GPHN: variants seen among roughly 807,000 people sequenced by gnomAD.
GPHN encodes gephyrin.
Under a neutral mutation model 95.5 loss-of-function variants are expected in GPHN, and 17 were observed. The observed-to-expected ratio is 0.18, with a 90% CI of 0.12 to 0.27. The LOEUF (loss-of-function observed/expected upper bound fraction) is 0.27. Among genes scored for constraint, GPHN ranks in the 10% least tolerant of loss-of-function variants. The probability of loss-of-function intolerance (pLI) is 1.00; values close to 1 mark genes in which losing one functional copy is unlikely to be tolerated. For synonymous variants in GPHN, 320 were observed against 322.5 expected (o/e 0.99, Z 0.08); for missense variants, 660 against 978.1 (o/e 0.67, Z 4.34).
chr14:67,085,765 A>C (rs1319469303), intron 11 of GPHN, among the ~76,000 whole-genome samples: 2 of 152,224 alleles, frequency 1.3e-5, no homozygotes, highest in African/African-American at 4.8e-5. Flanking sequence ...AATAGCATTA[A>C]GTACATTCAC....
At chr14:67,201,045 C>T in the GPHN span, among the ~76,000 whole-genome samples, 1 of 152,138 alleles carries the variant, frequency 6.6e-6, no homozygotes, top group African/African-American at 2.4e-5. Flanking sequence ...GCTATAATCC[C>T]AGTACTTTGA....
intron 9 of GPHN, among the ~76,000 whole-genome samples, chr14:67,000,706 A>G (rs879884537): frequency 1.3e-5 from 2 of 151,660 alleles, no homozygotes; most frequent in Non-Finnish European, 3.0e-5. Context: ...GTAGAAATGA[A>G]CTGGAGTATA....
chr14:67,443,869 G>A, the GPHN span, among the ~76,000 whole-genome samples: 1 of 152,116 alleles, frequency 6.6e-6, no homozygotes, highest in African/African-American at 2.4e-5. Flanking sequence ...AAATGTGAAA[G>A]GAAAATAAAT....
intron 3 of GPHN, among the ~76,000 whole-genome samples, chr14:66,806,652 C>T (rs2060555546): frequency 6.6e-6 from 1 of 152,182 alleles, no homozygotes; most frequent in African/African-American, 2.4e-5. Flanking sequence ...ATTGAACTCT[C>T]TAGGGCAGAG....
intron 1 of GPHN, among the ~76,000 whole-genome samples, chr14:66,660,769 C>G (rs2065596327): frequency 6.6e-6 from 1 of 152,126 alleles, no homozygotes; most frequent in South Asian, 2.1e-4. Flanking sequence ...GGAAACAACT[C>G]AACCCACAGA....
chr14:66,591,223 G>A (rs1050819792), intron 1 of GPHN, among the ~76,000 whole-genome samples: 15 of 152,304 alleles, frequency 9.8e-5, no homozygotes, highest in African/African-American at 3.6e-4. Flanking sequence ...AAAGCTGGAA[G>A]CATTCCCTTT....
the GPHN span, among the ~76,000 whole-genome samples, chr14:67,493,050 G>A: frequency 3.3e-5 from 5 of 152,306 alleles, no homozygotes; most frequent in East Asian, 9.6e-4. Flanking sequence ...AGAAAGATGA[G>A]AAGAAGCCGT....
chr14:67,182,631 T>G (rs1489614423), downstream of GPHN, among the ~76,000 whole-genome samples: 2 of 152,148 alleles, frequency 1.3e-5, no homozygotes, highest in Non-Finnish European at 2.9e-5. Flanking sequence ...AAGTATATCA[T>G]GCTACTATTT....
At chr14:66,675,568 C>A (rs1438066717) in intron 1 of GPHN, among the ~76,000 whole-genome samples, 2 of 152,072 alleles carry the variant, frequency 1.3e-5, no homozygotes, top group Non-Finnish European at 2.9e-5. Context: ...GACTATATTT[C>A]TTTACTCTGT....
the GPHN span, among the ~76,000 whole-genome samples, chr14:67,668,150 A>C: frequency 0.028 from 4,273 of 152,264 alleles, 218 homozygotes; most frequent in African/African-American, 0.098. Flanking sequence ...TTTATGATAC[A>C]CGTTAAGACA....
the GPHN span, among the ~76,000 whole-genome samples, chr14:67,644,700 T>A: frequency 6.6e-6 from 1 of 152,250 alleles, no homozygotes; most frequent in South Asian, 2.1e-4. Context: ...AAATACACTT[T>A]AAGATCTTAT....
intron 1 of GPHN, 123 bp downstream of exon 1, chr14:66,508,714 G>A (rs1049793628): frequency 3.4e-6 from 3 of 884,012 alleles, no homozygotes; most frequent in Non-Finnish European, 5.7e-6. Flanking sequence ...AGGGAACCGC[G>A]GGGGTGCATT....
At chr14:66,999,948 A>G (rs2153609884) in intron 9 of GPHN, among the ~76,000 whole-genome samples, 1 of 151,942 alleles carries the variant, frequency 6.6e-6, no homozygotes, top group Non-Finnish European at 1.5e-5. Context: ...TCCAAATTGA[A>G]CCCTTTACAG....
intron 4 of GPHN, among the ~76,000 whole-genome samples, chr14:66,846,608 G>T (rs1431337634): frequency 6.6e-6 from 1 of 152,010 alleles, no homozygotes; most frequent in Non-Finnish European, 1.5e-5. Flanking sequence ...GAATGATAAA[G>T]TCTGTATTAC....
intron 2 of GPHN, among the ~76,000 whole-genome samples, chr14:66,775,844 AT>A (rs2153460819): frequency 6.6e-6 from 1 of 152,328 alleles, no homozygotes; most frequent in Admixed American, 6.5e-5. Flanking sequence ...TAAGGATTAA[AT>A]TATCTGTAAC....
Position 66,916,381 on chromosome 14 carries a change from A to G in GPHN, c.456+312A>G, listed in dbSNP as rs192076210. ...AGAGCTTCCCTTGTCCTCTCCTTGT[A>G]GAGTCATCAATGCTTTACTCTCCTG... On this transcript the variant is annotated intron_variant, in intron 6 of 22. Coordinates refer to ENST00000478722, the MANE Select transcript of GPHN (RefSeq NM_020806.5). 8.3e-4 allele frequency among the ~76,000 whole-genome samples: 126 copies of G among 152,074 alleles called. 1 individual carries two copies. The highest frequency in any genetic ancestry group is 2.9e-3 in the African/African-American group (119 of 41,520).
chr14:67,422,369 G>A, the GPHN span, among the ~76,000 whole-genome samples: 8 of 152,086 alleles, frequency 5.3e-5, no homozygotes, highest in Non-Finnish European at 7.3e-5. Flanking sequence ...GTCTTCCCCC[G>A]TGTGGTATGC....
At chr14:67,700,714 C>CA in the GPHN span, among the ~76,000 whole-genome samples, 48,745 of 100,848 alleles carry the variant, frequency 0.48, 10,944 homozygotes, top group South Asian at 0.65. Flanking sequence ...GACTCCATCT[C>CA]AAAAAAAAAA....
At chr14:67,354,346 C>A in the GPHN span, among the ~76,000 whole-genome samples, 1 of 152,114 alleles carries the variant, frequency 6.6e-6, no homozygotes, top group Non-Finnish European at 1.5e-5. Context: ...AAAATAATAT[C>A]TTTGTTTTAG....
Sources: allele counts gnomAD v4.1 joint callset (sites outside exome capture counted in the v4.1 genomes callset), GRCh38; gene constraint gnomAD v4.1.1; transcripts MANE v1.5; gene names NCBI Gene and HGNC (gene_info 2026-07-23, HGNC 2026-07-21).